SHISA6: variants seen among roughly 807,000 people sequenced by gnomAD.
The protein encoded by SHISA6 is protein shisa-6.
SHISA6 carries 22 observed loss-of-function variants against 47.9 expected under a neutral mutation model. The ratio of observed to expected loss-of-function variants is 0.46; its 90% CI spans 0.33 to 0.66. The LOEUF is 0.66. SHISA6 is among the 30% of genes least tolerant of loss of function. The probability of loss-of-function intolerance (pLI) is 0.02; values close to 1 mark genes in which losing one functional copy is unlikely to be tolerated. For synonymous variants in SHISA6, 388 were observed against 337.8 expected (o/e 1.15, Z -1.63); for missense variants, 680 against 764.6 (o/e 0.89, Z 1.30).
chr17:11,275,503 C>G (rs976056348), intron 2 of SHISA6, among the ~76,000 whole-genome samples: 1 of 152,160 alleles, frequency 6.6e-6, no homozygotes, highest in Non-Finnish European at 1.5e-5. Flanking sequence ...GTGAACAAAA[C>G]AAAGTCCCTA....
At chr17:11,489,048 C>T (rs1187212805) in intron 3 of SHISA6, among the ~76,000 whole-genome samples, 2 of 152,162 alleles carry the variant, frequency 1.3e-5, no homozygotes, top group Non-Finnish European at 2.9e-5. Context: ...TCTAGATTCT[C>T]TCTTCTAGGC....
chr17:11,248,804 G>A (rs925693844), intron 1 of SHISA6, among the ~76,000 whole-genome samples: 8 of 152,172 alleles, frequency 5.3e-5, no homozygotes, highest in African/African-American at 7.2e-5. Context: ...TGTGGACTGG[G>A]GCAAAAAGTC....
At chr17:11,357,186 T>TAAA (rs1374866802) in intron 2 of SHISA6, among the ~76,000 whole-genome samples, 1 of 3,730 alleles carries the variant, frequency 2.7e-4, no homozygotes, top group Non-Finnish European at 4.6e-4. Context: ...AGACTCCGTC[T>TAAA]CAAAAAAAAA....
At chr17:11,448,940 T>C (rs1382210784) in intron 3 of SHISA6, among the ~76,000 whole-genome samples, 1 of 152,228 alleles carries the variant, frequency 6.6e-6, no homozygotes, top group Non-Finnish European at 1.5e-5. Context: ...ATGTTTGACT[T>C]CTATGTTCTA....
In SHISA6 at chr17:11,558,363, G is replaced by A. The variant is rs2072005121; in HGVS notation, c.*59G>A. 3 of 1,484,564 alleles carry A rather than the reference G, an allele frequency of 2.0e-6. No homozygotes were observed. Among genetic ancestry groups the A allele is most frequent in the Middle Eastern group, 1.7e-4 (1 of 5,720 alleles). 92.0% of individuals were successfully genotyped at this position (1,484,564 alleles called of 1,614,324 possible). On this transcript the variant is annotated 3_prime_UTR_variant, in exon 6 of 6. Transcript: ENST00000441885. Reference sequence around the variant, plus strand: ...CAGAGCAGAGCGGGGGCCGGGAGGGGCCAGGAGCAGAGCTTCTAGCCTTGC... The same window carrying A: ...CAGAGCAGAGCGGGGGCCGGGAGGGACCAGGAGCAGAGCTTCTAGCCTTGC...
intron 2 of SHISA6, chr17:11,288,624 T>C (rs1372510246): frequency 6.6e-6 from 1 of 152,186 alleles, no homozygotes; most frequent in African/African-American, 2.4e-5. Flanking sequence ...TGGTCTTTAT[T>C]TGCATATATA....
intron 3 of SHISA6, among the ~76,000 whole-genome samples, chr17:11,479,650 A>T (rs1364994287): frequency 6.6e-6 from 1 of 152,182 alleles, no homozygotes; most frequent in East Asian, 1.9e-4. Context: ...AAAGAAGAAA[A>T]AATAATAATA....
intron 3 of SHISA6, among the ~76,000 whole-genome samples, chr17:11,449,171 G>A (rs985637593): frequency 2.6e-5 from 4 of 152,146 alleles, no homozygotes; most frequent in Non-Finnish European, 5.9e-5. Context: ...GCTGGGCGTG[G>A]TGGCTCATGC....
At chr17:11,499,893 G>T (rs1320558737) in intron 3 of SHISA6, among the ~76,000 whole-genome samples, 1 of 151,152 alleles carries the variant, frequency 6.6e-6, no homozygotes, top group African/African-American at 2.4e-5. Flanking sequence ...GTAAAGATGG[G>T]GTTTCACCTT....
intron 2 of SHISA6, among the ~76,000 whole-genome samples, chr17:11,276,119 A>G (rs1247365967): frequency 6.6e-6 from 1 of 152,126 alleles, no homozygotes; most frequent in African/African-American, 2.4e-5. Context: ...CTGGAATTAC[A>G]GGCTCGTGCC....
intron 2 of SHISA6, among the ~76,000 whole-genome samples, chr17:11,343,512 G>T (rs1430718216): frequency 6.6e-6 from 1 of 152,178 alleles, no homozygotes; most frequent in East Asian, 1.9e-4. Context: ...ATGGAACACG[G>T]GATCTCAATC....
At chr17:11,261,113 G>GA (rs1207992490) in intron 1 of SHISA6, among the ~76,000 whole-genome samples, 1 of 151,944 alleles carries the variant, frequency 6.6e-6, no homozygotes, top group East Asian at 1.9e-4. Flanking sequence ...CCAGAGCAAG[G>GA]AGGGGGGTCA....
intron 3 of SHISA6, among the ~76,000 whole-genome samples, chr17:11,399,851 A>G (rs894362939): frequency 3.3e-5 from 5 of 152,214 alleles, no homozygotes; most frequent in African/African-American, 9.6e-5. Context: ...GCAGAAAACT[A>G]GATAAATTAA....
At chr17:11,384,627 A>G (rs1019442817) in intron 3 of SHISA6, among the ~76,000 whole-genome samples, 1 of 152,198 alleles carries the variant, frequency 6.6e-6, no homozygotes, top group African/African-American at 2.4e-5. Context: ...CCCTGGCCAC[A>G]CCAGGGTAAG....
chr17:11,513,099 C>T (rs1269954248), intron 3 of SHISA6, among the ~76,000 whole-genome samples: 1 of 151,450 alleles, frequency 6.6e-6, no homozygotes, highest in Non-Finnish European at 1.5e-5. Context: ...TTTTTCTTTC[C>T]GTTTCCCAAG....
chr17:11,242,625 T>C (rs1907411229), intron 1 of SHISA6, among the ~76,000 whole-genome samples: 1 of 152,176 alleles, frequency 6.6e-6, no homozygotes, highest in Non-Finnish European at 1.5e-5. Flanking sequence ...TGGTGTCTCC[T>C]CATTGCATCC....
In SHISA6 at chr17:11,532,483, G is replaced by A. The variant is rs111385375; in HGVS notation, c.896-19413G>A. 9.7e-3 allele frequency among the ~76,000 whole-genome samples: 1,471 copies of A among 152,116 alleles called. 31 individuals are homozygous for A. The highest frequency in any genetic ancestry group is 0.034 in the African/African-American group (1,407 of 41,394). ...AGAAAGCAAAATAGGCTGTGCGCGC[G>A]CGTGTGTGTGTGTGCGCGCACGCGC... is the stretch of plus-strand genomic sequence containing the variant. On this transcript the variant is annotated intron_variant, in intron 3 of 5. Coordinates refer to ENST00000441885, the MANE Select transcript of SHISA6 (RefSeq NM_207386.4).
intron 2 of SHISA6, among the ~76,000 whole-genome samples, chr17:11,317,691 C>G (rs1910571419): frequency 6.6e-6 from 1 of 151,762 alleles, no homozygotes; most frequent in African/African-American, 2.4e-5. Flanking sequence ...TCTTCCCTCC[C>G]TCCGTTCTTT....
At chr17:11,457,159 A>G (rs1915562607) in intron 3 of SHISA6, among the ~76,000 whole-genome samples, 1 of 152,072 alleles carries the variant, frequency 6.6e-6, no homozygotes, top group Non-Finnish European at 1.5e-5. Context: ...TGATGCCCCA[A>G]AGTCTCCAAA....
Sources: gnomAD v4.1 joint callset for allele counts (sites outside exome capture counted in the v4.1 genomes callset) on GRCh38, gnomAD v4.1.1 for gene constraint, MANE v1.5 for transcripts, NCBI Gene and HGNC (gene_info 2026-07-23, HGNC 2026-07-21) for gene names.